Variants in PDGFA observed in about 807,000 individuals in gnomAD.
PDGFA encodes platelet-derived growth factor subunit A.
A neutral mutation model predicts 25.6 loss-of-function variants in PDGFA; 9 were observed. The observed-to-expected ratio is 0.35, with a 90% CI of 0.21 to 0.61. PDGFA has a LOEUF of 0.61. Ranked by LOEUF, PDGFA falls within the 20% of genes least tolerant of loss-of-function variation. The probability of loss-of-function intolerance (pLI) is 0.75; values close to 1 mark genes in which losing one functional copy is unlikely to be tolerated. For missense variants in PDGFA, 242 were observed against 272.8 expected, an observed-to-expected ratio of 0.89 and a Z score of 0.79; for synonymous variants, 133 against 111.8, an observed-to-expected ratio of 1.19 and a Z score of -1.20.
chr7:516,049 C>T (rs182066190), intron 2 of PDGFA, among the ~76,000 whole-genome samples: 1 of 85,966 alleles, frequency 1.2e-5, no homozygotes. Flanking sequence ...AGCCCCCCCC[C>T]CCCACTTTTC....
At position 512,003 on chromosome 7, in the gene PDGFA, G is replaced by A. The variant is rs190408219; in HGVS notation, c.265+348C>T. Among the ~76,000 whole-genome samples, 406 of 152,330 alleles carry A rather than the reference G, an allele frequency of 2.7e-3. 3 individuals are homozygous for A. The highest frequency in any genetic ancestry group is 9.6e-3 in the African/African-American group (398 of 41,570). ...CGAATTGGAAATTAGGCGCGACCAC[G>A]TTTCCGGCAAGGCTCCTGGGGACAG... On this transcript the variant is annotated intron_variant, in intron 3 of 5. Transcript: ENST00000402802.
intron 4 of PDGFA, among the ~76,000 whole-genome samples, chr7:509,143 G>A (rs944879557): frequency 6.6e-5 from 10 of 152,140 alleles, no homozygotes; most frequent in South Asian, 4.1e-4. Context: ...AAGTTCACCC[G>A]GGTGCTGTTC....
chr7:497,842 C>G (rs1232352498), exon 6 of PDGFA: 3 of 107,866 alleles, frequency 2.8e-5, no homozygotes, highest in African/African-American at 1.1e-4. Flanking sequence ...TGTGTGTTAT[C>G]GGTGTAAATG....
exon 1 of PDGFA, chr7:519,368 C>A: frequency 4.3e-6 from 1 of 235,142 alleles, no homozygotes; most frequent in South Asian, 1.2e-4. Context: ...AGGAGCGACC[C>A]GGCCGGTAAT....
chr7:503,816 G>A (rs1335166862), intron 4 of PDGFA, among the ~76,000 whole-genome samples: 1 of 152,194 alleles, frequency 6.6e-6, no homozygotes, highest in Non-Finnish European at 1.5e-5. Flanking sequence ...AGGGCGTGGG[G>A]CGCCTGGGGT....
exon 1 of PDGFA, chr7:518,942 G>A (rs1583162965): frequency 6.6e-7 from 1 of 1,525,902 alleles, no homozygotes; most frequent in East Asian, 2.6e-5. Context: ...CACCAACCTC[G>A]GCCAGAACAT....
At chr7:508,260 G>A (rs1408295589) in intron 4 of PDGFA, among the ~76,000 whole-genome samples, 1 of 151,962 alleles carries the variant, frequency 6.6e-6, no homozygotes, top group Non-Finnish European at 1.5e-5. Flanking sequence ...TACTAATGTA[G>A]CCCCAAAACT....
At chr7:501,480 A>G (rs766555711) in intron 4 of PDGFA, among the ~76,000 whole-genome samples, 40 of 152,302 alleles carry the variant, frequency 2.6e-4, no homozygotes, top group Non-Finnish European at 2.8e-4. Context: ...TCACCCTGTC[A>G]CCTAGGCCAA....
chr7:514,610 T>C (rs1317429189), intron 2 of PDGFA, among the ~76,000 whole-genome samples: 2 of 152,240 alleles, frequency 1.3e-5, no homozygotes, highest in South Asian at 4.1e-4. Context: ...TAGGCACAGA[T>C]GTCCCAAGGA....
intron 3 of PDGFA, among the ~76,000 whole-genome samples, chr7:511,783 C>A (rs1782861947): frequency 6.6e-6 from 1 of 152,126 alleles, no homozygotes; most frequent in Admixed American, 6.5e-5. Flanking sequence ...CCTCAGGGGG[C>A]TGGAGGGCCA....
At chr7:514,152 A>C (rs1227756931) in intron 2 of PDGFA, among the ~76,000 whole-genome samples, 1 of 152,178 alleles carries the variant, frequency 6.6e-6, no homozygotes, top group Non-Finnish European at 1.5e-5. Flanking sequence ...TGCTTTACCA[A>C]TGACTTAGCT....
At chr7:515,682 C>T (rs1307060138) in intron 2 of PDGFA, among the ~76,000 whole-genome samples, 3 of 152,180 alleles carry the variant, frequency 2.0e-5, no homozygotes, top group African/African-American at 7.2e-5. Context: ...ACTCTGCATT[C>T]CCTGGGGCAG....
At chr7:497,956 A>AC (rs1562481653) in exon 6 of PDGFA, 4 of 115,168 alleles carry the variant, frequency 3.5e-5, no homozygotes, top group Non-Finnish European at 5.5e-5. Flanking sequence ...AAAAAAAAAA[A>AC]AACAAAAAAA....
chr7:503,910 G>T (rs1316523911), intron 4 of PDGFA, among the ~76,000 whole-genome samples: 1 of 152,110 alleles, frequency 6.6e-6, no homozygotes, highest in Admixed American at 6.5e-5. Context: ...GGACACTGCC[G>T]CTTCCTACAT....
rs1234380713 is a variant in PDGFA at position 517,822 on chromosome 7, G to A, written c.64-332C>T. Reference sequence around the variant, plus strand: ...ACAGAAGGTCTAGGGGGCAGCGAGGGGGCCGAAAGTTTCTGATTTAATAGT... The same window carrying A: ...ACAGAAGGTCTAGGGGGCAGCGAGGAGGCCGAAAGTTTCTGATTTAATAGT... On this transcript the variant is annotated intron_variant, in intron 1 of 5. Coordinates refer to ENST00000402802, the Ensembl canonical transcript of PDGFA. This position sits in a 1 kb window ranked among gnomAD's most constrained non-coding sequence, Gnocchi z 7.4. Among the ~76,000 whole-genome samples the A allele has an allele frequency of 1.3e-5, 2 of 152,064 alleles. No homozygotes were observed. The highest frequency in any genetic ancestry group is 4.8e-5 in the African/African-American group (2 of 41,404).
At chr7:498,660 G>T in intron 5 of PDGFA, 86 bp from the exon 6 acceptor site, 1 of 1,280,196 alleles carries the variant, frequency 7.8e-7, no homozygotes, top group Non-Finnish European at 1.1e-6. Context: ...GAGGAAAACA[G>T]GGTGAAAACA....
intron 4 of PDGFA, among the ~76,000 whole-genome samples, chr7:503,246 C>A (rs151068257): frequency 6.6e-6 from 1 of 152,340 alleles, no homozygotes; most frequent in Non-Finnish European, 1.5e-5. Flanking sequence ...CCCTCCCAGG[C>A]CCTGGGGAGC....
chr7:504,697 C>T (rs563244592), intron 4 of PDGFA, among the ~76,000 whole-genome samples: 3 of 152,354 alleles, frequency 2.0e-5, no homozygotes, highest in East Asian at 1.9e-4. Context: ...GGGCAGGGCG[C>T]CCTGTTCTGC....
chr7:498,577 G>A lies in PDGFA; in HGVS notation c.581-3C>T. 6.2e-7 allele frequency: 1 copy of A among 1,610,062 alleles called. No individual in the cohort carries two copies. The highest frequency in any genetic ancestry group is 1.3e-5 in the African/African-American group (1 of 74,978). ...TGCGGCTCATCCTCACCTCACATCTGCAGGGAGAAGGGAAAGACAGACACT... is the reference window on the plus strand; with the variant it reads ...TGCGGCTCATCCTCACCTCACATCTACAGGGAGAAGGGAAAGACAGACACT... On this transcript the variant is annotated splice_region_variant and splice_polypyrimidine_tract_variant and intron_variant, in intron 5 of 5. Coordinates refer to ENST00000402802, the Ensembl canonical transcript of PDGFA.
Sources: allele counts gnomAD v4.1 joint callset (sites outside exome capture counted in the v4.1 genomes callset), GRCh38; gene constraint gnomAD v4.1.1; non-coding constraint Gnocchi (gnomAD v3.1); transcripts MANE v1.5; gene names NCBI Gene and HGNC (gene_info 2026-07-23, HGNC 2026-07-21).